Variants in ITGA11 observed in about 807,000 individuals in gnomAD.
ITGA11 encodes integrin alpha-11.
ITGA11 carries 97 observed loss-of-function variants against 141.9 expected under a neutral mutation model. The observed-to-expected ratio is 0.68, with a 90% confidence interval of 0.58 to 0.81. The LOEUF (loss-of-function observed/expected upper bound fraction) is 0.81. Among genes scored for constraint, ITGA11 ranks in the 30% least tolerant of loss-of-function variants. ITGA11 has a pLI of 0.00. For missense variants in ITGA11, 1,387 were observed against 1,559.2 expected (o/e 0.89, Z 1.86); for synonymous variants, 658 against 624.6 (o/e 1.05, Z -0.80).
chr15:68,319,819 A>C (rs1011151476), intron 20 of ITGA11, among the ~76,000 whole-genome samples: 2 of 152,158 alleles, frequency 1.3e-5, no homozygotes, highest in Non-Finnish European at 1.5e-5. Context: ...CTGGCTGCAC[A>C]CTGAAGTCAC....
At chr15:68,421,927 C>A (rs1897028462) in intron 1 of ITGA11, among the ~76,000 whole-genome samples, 1 of 152,184 alleles carries the variant, frequency 6.6e-6, no homozygotes, top group Non-Finnish European at 1.5e-5. Context: ...GGTGCCTTTG[C>A]CCCTGGCTGG....
chr15:68,403,939 G>A (rs74812178), intron 1 of ITGA11, among the ~76,000 whole-genome samples: 1 of 151,944 alleles, frequency 6.6e-6, no homozygotes, highest in Non-Finnish European at 1.5e-5. Flanking sequence ...TACATGGATA[G>A]GGGGGACATA....
At chr15:68,379,001 T>C (rs1300287167) in intron 2 of ITGA11, among the ~76,000 whole-genome samples, 1 of 152,136 alleles carries the variant, frequency 6.6e-6, no homozygotes, top group African/African-American at 2.4e-5. Flanking sequence ...TCTCAACCCA[T>C]CTGGAGGGAA....
At chr15:68,399,470 A>T (rs987727766) in intron 2 of ITGA11, among the ~76,000 whole-genome samples, 1 of 152,162 alleles carries the variant, frequency 6.6e-6, no homozygotes, top group African/African-American at 2.4e-5. Context: ...ATATTACCCA[A>T]AGGAAGATAA....
chr15:68,315,343 A>G (rs74758799), intron 22 of ITGA11, among the ~76,000 whole-genome samples: 14,209 of 152,270 alleles, frequency 0.093, 809 homozygotes, highest in African/African-American at 0.17. Context: ...TGCCTGTACA[A>G]TGCTTTATAA....
chr15:68,372,699 C>T (rs1895628021), intron 2 of ITGA11, among the ~76,000 whole-genome samples: 1 of 152,302 alleles, frequency 6.6e-6, no homozygotes, highest in Non-Finnish European at 1.5e-5. Flanking sequence ...ACTCTGGAAG[C>T]CCTCTGCTGG....
intron 10 of ITGA11, among the ~76,000 whole-genome samples, 166 bp downstream of exon 10, chr15:68,348,664 A>G (rs1894811545): frequency 6.6e-6 from 1 of 152,236 alleles, no homozygotes; most frequent in Admixed American, 6.5e-5. Flanking sequence ...CCCCTCTTCC[A>G]GCCCACAGAA....
Position 68,325,022 on chromosome 15 carries a change from A to C in ITGA11, c.2322+109T>G. 1 of 772,886 alleles carries C rather than the reference A, an allele frequency of 1.3e-6. No individual in the cohort carries two copies. The highest frequency in any genetic ancestry group is 2.2e-6 in the Non-Finnish European group (1 of 451,458). The allele number at this position is 772,886 out of a possible 1,614,324, so 47.9% of individuals were successfully genotyped here. On this transcript the variant is annotated intron_variant, in intron 18 of 29. Transcript: ENST00000315757. The surrounding 1 kb of genome is among the most constrained non-coding windows in gnomAD (Gnocchi z 5.5). ...GGACAGGAGGTGGGAAGGTGAGATG[A>C]GGGATGGTGTCCTCTGTACCCGGCA...
intron 12 of ITGA11, among the ~76,000 whole-genome samples, chr15:68,334,394 C>T (rs866057905): frequency 6.6e-6 from 1 of 152,142 alleles, no homozygotes; most frequent in Non-Finnish European, 1.5e-5. Context: ...GTCAGAAGGC[C>T]GGTCACCTGG....
chr15:68,343,759 T>C (rs927205446), intron 10 of ITGA11, among the ~76,000 whole-genome samples: 1 of 152,068 alleles, frequency 6.6e-6, no homozygotes, highest in African/African-American at 2.4e-5. Flanking sequence ...ACATACACCA[T>C]TTAGAGGGTG....
chr15:68,423,091 C>T (rs1301566217), intron 1 of ITGA11, among the ~76,000 whole-genome samples: 2 of 152,282 alleles, frequency 1.3e-5, no homozygotes, highest in African/African-American at 4.8e-5. Context: ...TTTACCTGGA[C>T]AGAGAGTTCT....
At chr15:68,323,851 T>G (rs981271371) in intron 18 of ITGA11, among the ~76,000 whole-genome samples, 8 of 152,168 alleles carry the variant, frequency 5.3e-5, no homozygotes, top group Non-Finnish European at 7.3e-5. Flanking sequence ...ATTGCTTGAT[T>G]GTACGTCCTC....
intron 1 of ITGA11, among the ~76,000 whole-genome samples, chr15:68,426,777 G>A (rs1201425385): frequency 6.6e-6 from 1 of 152,060 alleles, no homozygotes; most frequent in Non-Finnish European, 1.5e-5. Flanking sequence ...CACTTTGGGA[G>A]GCCAAGGCAG....
In ITGA11 at chr15:68,335,848, G is replaced by T; in HGVS notation, c.1277-3C>A. 6.2e-7 allele frequency: 1 copy of T among 1,612,140 alleles called. No homozygotes were observed. Among genetic ancestry groups the T allele is most frequent in the Non-Finnish European group, 8.5e-7 (1 of 1,179,158 alleles). On this transcript the variant is annotated splice_polypyrimidine_tract_variant and splice_region_variant and intron_variant, in intron 11 of 29. Coordinates refer to ENST00000315757, the MANE Select transcript of ITGA11 (RefSeq NM_001004439.2). The surrounding 1 kb of genome is among the most constrained non-coding windows in gnomAD (Gnocchi z 4.9). ...CACGACCGATGTGACTGTGTACCCT[G>T]CCACAGGAGGAAACAGGCTGATCTT...
At chr15:68,370,386 T>C (rs982532554) in intron 2 of ITGA11, among the ~76,000 whole-genome samples, 1 of 151,242 alleles carries the variant, frequency 6.6e-6, no homozygotes, top group Non-Finnish European at 1.5e-5. Flanking sequence ...CTGGGGAGAG[T>C]TCTACCTCAG....
intron 3 of ITGA11, among the ~76,000 whole-genome samples, chr15:68,367,006 T>C (rs559994103): frequency 1.3e-5 from 2 of 152,282 alleles, no homozygotes; most frequent in South Asian, 4.1e-4. Flanking sequence ...TTCCCAGCCT[T>C]GCATTTTCCA....
intron 11 of ITGA11, among the ~76,000 whole-genome samples, chr15:68,337,087 G>C (rs1894384700): frequency 6.6e-6 from 1 of 152,184 alleles, no homozygotes; most frequent in Admixed American, 6.5e-5. Flanking sequence ...GGTTTCTTCT[G>C]AGCTGAGCCC....
intron 1 of ITGA11, among the ~76,000 whole-genome samples, chr15:68,409,480 G>C (rs769509999): frequency 1.3e-5 from 2 of 151,822 alleles, no homozygotes; most frequent in South Asian, 4.2e-4. Flanking sequence ...ACTGATAGTA[G>C]GTACTGATAG....
intron 2 of ITGA11, among the ~76,000 whole-genome samples, chr15:68,383,583 G>T (rs1043019664): frequency 1.3e-5 from 2 of 152,180 alleles, no homozygotes; most frequent in African/African-American, 4.8e-5. Context: ...AAGCCTCAAT[G>T]GTTGACTAGA....
Sources: gnomAD v4.1 joint callset for allele counts (sites outside exome capture counted in the v4.1 genomes callset) on GRCh38, gnomAD v4.1.1 for gene constraint, Gnocchi (gnomAD v3.1) non-coding constraint, MANE v1.5 for transcripts, NCBI Gene and HGNC (gene_info 2026-07-23, HGNC 2026-07-21) for gene names.